The following WDR12 variants were observed in gnomAD, a reference collection of about 807,000 sequenced individuals.
WDR12 encodes ribosome biogenesis protein WDR12.
Under a neutral mutation model 64.3 loss-of-function variants are expected in WDR12, and 42 were observed. The observed-to-expected ratio is 0.65, with a 90% confidence interval of 0.51 to 0.84. WDR12 has a LOEUF of 0.84. Among genes scored for constraint, WDR12 ranks in the 40% least tolerant of loss-of-function variants. The probability of loss-of-function intolerance (pLI) is 0.00; values close to 1 mark genes in which losing one functional copy is unlikely to be tolerated. For synonymous variants in WDR12, 158 were observed against 173.3 expected (o/e 0.91, Z 0.70); for missense variants, 469 against 494.6 (o/e 0.95, Z 0.49).
Position 202,876,601 on chromosome 2 carries a change from T to A in WDR12, c.*4259A>T, listed in dbSNP as rs1278191661. 1 of 152,188 alleles carries A rather than the reference T, an allele frequency of 6.6e-6. No homozygotes were observed. Among genetic ancestry groups the A allele is most frequent in the African/African-American group, 2.4e-5 (1 of 41,432 alleles). The allele number at this position is 152,188 out of a possible 1,614,324, so 9.4% of individuals were successfully genotyped here. On this transcript the variant is annotated 3_prime_UTR_variant, in exon 13 of 13. Coordinates refer to ENST00000261015, the MANE Select transcript of WDR12 (RefSeq NM_018256.4). ...TGCATATAGTCTTAAAATGTCATAT[T>A]TTTTCCTTTAAGAATAGGAGCCATA...
chr2:202,883,040 C>A (rs890897118), intron 11 of WDR12, among the ~76,000 whole-genome samples: 12 of 152,188 alleles, frequency 7.9e-5, no homozygotes, highest in African/African-American at 2.9e-4. Context: ...TAATTAGGCC[C>A]ATTTTCACAC....
At chr2:202,909,188 A>T (rs1423054207) in intron 1 of WDR12, among the ~76,000 whole-genome samples, 1 of 152,240 alleles carries the variant, frequency 6.6e-6, no homozygotes, top group Non-Finnish European at 1.5e-5. Flanking sequence ...ACTCCTAAGC[A>T]TATATGCAAG....
At position 202,882,036 on chromosome 2, in the gene WDR12, A is replaced by G. The variant is rs140796097; in HGVS notation, c.1194+675T>C. ...TTGCATCCTCGACCTCCCAGGCACA[A>G]GTGATCCTCCTGCTTCAGGCTCAAG... On this transcript the variant is annotated intron_variant, in intron 12 of 12. Transcript: ENST00000261015. Among the ~76,000 whole-genome samples the G allele has an allele frequency of 3.0e-3, 451 of 151,490 alleles. 4 individuals are homozygous for G. The highest frequency in any genetic ancestry group is 0.011 in the African/African-American group (435 of 41,306).
At chr2:202,907,618 C>G (rs1238875270) in intron 2 of WDR12, among the ~76,000 whole-genome samples, 2 of 152,092 alleles carry the variant, frequency 1.3e-5, no homozygotes, top group African/African-American at 4.8e-5. Flanking sequence ...ATCTTTATTC[C>G]TTAACTACAA....
Position 202,896,103 on chromosome 2 carries a change from T to G in WDR12, c.571A>C (p.Ser191Arg). The change falls in exon 6 of 13, where the codon AGT (serine) becomes CGT (arginine). Residue 191 changes from serine to arginine, a missense_variant. Ser to Arg is a moderately radical substitution (Grantham distance 110, BLOSUM62 -1). Coordinates refer to ENST00000261015, the MANE Select transcript of WDR12 (RefSeq NM_018256.4). The part of the protein sequence containing the change: ...ALHCCRGHAG[S>R]VDSIAVDGSG... The stretch of plus-strand genomic sequence containing the variant: ...CCATCAACAGCTATAGAATCTACAC[T>G]TCCAGCATGACCTCTACAGCAGTGT... The G allele has an allele frequency of 6.2e-7, 1 of 1,614,110 alleles. No individual in the cohort carries two copies. Among genetic ancestry groups the G allele is most frequent in the Non-Finnish European group, 8.5e-7 (1 of 1,179,992 alleles).
rs908800121 is a variant in WDR12 at position 202,896,219 on chromosome 2, T to C, written c.455A>G (p.Asp152Gly). The C allele has an allele frequency of 6.2e-7, 1 of 1,612,684 alleles. No homozygotes were observed. Among genetic ancestry groups the C allele is most frequent in the African/African-American group, 1.3e-5 (1 of 74,868 alleles). The change falls in exon 6 of 13, where the codon GAT becomes GGT. Residue 152 changes from aspartate to glycine, a missense_variant and splice_region_variant. Coordinates refer to ENST00000261015, the MANE Select transcript of WDR12 (RefSeq NM_018256.4). ...VVKDVAWVKK[D>G]SLSCLLLSAS... is the part of the protein sequence containing the mutation. Reference sequence around the variant, plus strand: ...ACTCAATAATAAGCAGGACAAACTATCTGGAGAAAGGAGAACACAAGAATA... The same window carrying C: ...ACTCAATAATAAGCAGGACAAACTACCTGGAGAAAGGAGAACACAAGAATA...
intron 8 of WDR12, among the ~76,000 whole-genome samples, chr2:202,886,195 A>G (rs1346208314): frequency 2.0e-5 from 3 of 151,254 alleles, no homozygotes; most frequent in African/African-American, 7.3e-5. Flanking sequence ...GGTGGCTAAC[A>G]CCTATAATCC....
Position 202,903,399 on chromosome 2 carries a change from C to T in WDR12, c.137-2280G>A, listed in dbSNP as rs149554607. Reference sequence around the variant, plus strand: ...ACATGATAAGGATGCCCACTTTTACCACTGTTATTCAACACAGCAATGGAA... The same window carrying T: ...ACATGATAAGGATGCCCACTTTTACTACTGTTATTCAACACAGCAATGGAA... On this transcript the variant is annotated intron_variant, in intron 2 of 12. Coordinates refer to ENST00000261015, the MANE Select transcript of WDR12 (RefSeq NM_018256.4). 2.5e-3 allele frequency among the ~76,000 whole-genome samples: 368 copies of T among 150,070 alleles called. 4 individuals carry two copies. The highest frequency in any genetic ancestry group is 8.6e-3 in the African/African-American group (351 of 40,644).
At position 202,896,042 on chromosome 2, in the gene WDR12, C is replaced by T; in HGVS notation, c.609+23G>A. 6 of 1,607,596 alleles carry T rather than the reference C, an allele frequency of 3.7e-6. No individual in the cohort carries two copies. In the South Asian group the frequency reaches 6.7e-5, roughly 18 times the overall value. ...GCTCAAATTCAAATTTAACAGAGTA[C>T]TAATAATATTCTAGCTACTTACTTT... On this transcript the variant is annotated intron_variant, in intron 6 of 12. Transcript: ENST00000261015.
chr2:202,878,154 G>A lies in WDR12; in HGVS notation c.*2706C>T, dbSNP rs988256934. On this transcript the variant is annotated 3_prime_UTR_variant, in exon 13 of 13. Transcript: ENST00000261015. Reference sequence around the variant, plus strand: ...CTGAACTATGAATGTATTCTGCTGTGGAACCAGGATTGGGAATAGGTGGGG... The same window carrying A: ...CTGAACTATGAATGTATTCTGCTGTAGAACCAGGATTGGGAATAGGTGGGG... The A allele has an allele frequency of 6.6e-6, 1 of 152,186 alleles. No individual in the cohort carries two copies. Among genetic ancestry groups the A allele is most frequent in the Non-Finnish European group, 1.5e-5 (1 of 68,060 alleles). The allele number at this position is 152,186 out of a possible 1,614,324, so 9.4% of individuals were successfully genotyped here.
At chr2:202,897,077 A>G (rs1314685044) in intron 5 of WDR12, among the ~76,000 whole-genome samples, 1 of 152,212 alleles carries the variant, frequency 6.6e-6, no homozygotes, top group Non-Finnish European at 1.5e-5. Context: ...TAACTTGAAA[A>G]TGTATATTAT....
intron 5 of WDR12, among the ~76,000 whole-genome samples, chr2:202,897,023 C>CAAAA: frequency 6.6e-6 from 1 of 151,780 alleles, no homozygotes; most frequent in Non-Finnish European, 1.5e-5. Flanking sequence ...AACAAACAAA[C>CAAAA]AAAAACAGAA....
intron 8 of WDR12, among the ~76,000 whole-genome samples, chr2:202,890,509 C>T (rs574899582): frequency 1.6e-4 from 25 of 152,258 alleles, no homozygotes; most frequent in African/African-American, 6.0e-4. Flanking sequence ...GTGGCTCACG[C>T]CTGTAATCCC....
intron 7 of WDR12, among the ~76,000 whole-genome samples, chr2:202,893,434 A>C (rs1041389064): frequency 1.3e-5 from 2 of 152,186 alleles, no homozygotes; most frequent in African/African-American, 2.4e-5. Context: ...CCTATCAAAA[A>C]ATAAAAAATT....
intron 8 of WDR12, among the ~76,000 whole-genome samples, chr2:202,890,536 G>A (rs190472696): frequency 0.024 from 3,602 of 152,154 alleles, 149 homozygotes; most frequent in African/African-American, 0.083. Flanking sequence ...TTGGGAGGCC[G>A]AGGCGGGTGG....
At chr2:202,888,730 T>G (rs184872954) in intron 8 of WDR12, among the ~76,000 whole-genome samples, 404 of 152,342 alleles carry the variant, frequency 2.7e-3, no homozygotes, top group Non-Finnish European at 4.3e-3. Context: ...TTGCTTTTTT[T>G]GAGACAAGGC....
In WDR12 at chr2:202,874,411, T is replaced by C. The variant is rs992145541; in HGVS notation, c.*6449A>G. 6.6e-6 allele frequency among the ~76,000 whole-genome samples: 1 copy of C among 152,204 alleles called. No individual in the cohort carries two copies. The highest frequency in any genetic ancestry group is 6.5e-5 in the Admixed American group (1 of 15,272). ...AAGCTAACTAGACAAGAACATTAGA[T>C]GACTTGGAATGTAGGGCTCCACAAA... On this transcript the variant is annotated 3_prime_UTR_variant, in exon 13 of 13. Coordinates refer to ENST00000261015, the MANE Select transcript of WDR12 (RefSeq NM_018256.4).
Position 202,874,356 on chromosome 2 carries a change from G to A in WDR12, c.*6504C>T, listed in dbSNP as rs1260942132. Among the ~76,000 whole-genome samples, 1 of 152,090 alleles carries A rather than the reference G, an allele frequency of 6.6e-6. No homozygotes were observed. The highest frequency in any genetic ancestry group is 2.4e-5 in the African/African-American group (1 of 41,404). On this transcript the variant is annotated 3_prime_UTR_variant, in exon 13 of 13. Transcript: ENST00000261015. ...ATACACTTATACTAAGGGGAAAAAA[G>A]GGGTTTTCCTCCATTGTATAGACTT...
Position 202,883,859 on chromosome 2 carries a change from C to CTGGA in WDR12, c.989-122_989-119dup. On this transcript the variant is annotated intron_variant, in intron 10 of 12. Transcript: ENST00000261015. ...GATGGAGTCTTGCTCTGTCACCAGGCTGGAGTGCAGTAGTGCAATCTTGGC... is the reference window on the plus strand; with the variant it reads ...GATGGAGTCTTGCTCTGTCACCAGGCTGGATGGAGTGCAGTAGTGCAATCTTGGC... The CTGGA allele has an allele frequency of 7.7e-6, 8 of 1,038,740 alleles. No individual in the cohort carries two copies. In the African/African-American group the frequency reaches 8.1e-5, roughly 10 times the overall value. The allele number at this position is 1,038,740 out of a possible 1,614,324, so 64.3% of individuals were successfully genotyped here.
Sources: gnomAD v4.1 joint callset for allele counts (sites outside exome capture counted in the v4.1 genomes callset) on GRCh38, gnomAD v4.1.1 for gene constraint, MANE v1.5 for transcripts, NCBI Gene and HGNC (gene_info 2026-07-23, HGNC 2026-07-21) for gene names.